Variants in PCDHA12 observed in about 807,000 individuals in gnomAD.
PCDHA12 encodes protocadherin alpha 12, also known as protocadherin alpha-12.
A neutral mutation model predicts 60.0 loss-of-function variants in PCDHA12; 44 were observed. That is an observed-to-expected ratio of 0.73 (90% CI 0.58 to 0.94). PCDHA12 has a LOEUF of 0.94. Ranked by LOEUF, PCDHA12 falls within the 40% of genes least tolerant of loss-of-function variation. The probability of loss-of-function intolerance (pLI) is 0.00; values close to 1 mark genes in which losing one functional copy is unlikely to be tolerated. For missense variants in PCDHA12, 1,276 were observed against 1,239.7 expected, an observed-to-expected ratio of 1.03 and a Z score of -0.44; for synonymous variants, 569 against 553.0, an observed-to-expected ratio of 1.03 and a Z score of -0.40.
intron 3 of PCDHA12, among the ~76,000 whole-genome samples, chr5:140,989,708 G>T (rs2097355537): frequency 6.6e-6 from 1 of 152,154 alleles, no homozygotes; most frequent in South Asian, 2.1e-4. Context: ...ATCTTCAGAG[G>T]CAGTCAGCTT....
chr5:140,965,229 C>A (rs1554227498), intron 1 of PCDHA12, among the ~76,000 whole-genome samples: 1 of 152,124 alleles, frequency 6.6e-6, no homozygotes, highest in Non-Finnish European at 1.5e-5. Context: ...AATGTGAGAA[C>A]CTGGGAAGAG....
In PCDHA12 at chr5:141,010,294, C is replaced by T. The variant is rs545906858; in HGVS notation, c.*357C>T. ...TCCTGTCTTGATGACACTTGCAGGG[C>T]AGGCTGAAAAGTTTTGAGATTGAGC... On this transcript the variant is annotated 3_prime_UTR_variant, in exon 4 of 4. Coordinates refer to ENST00000398631, the MANE Select transcript of PCDHA12 (RefSeq NM_018903.4). 3.2e-6 allele frequency: 5 copies of T among 1,549,782 alleles called. No homozygotes were observed. Among genetic ancestry groups the T allele is most frequent in the Non-Finnish European group, 4.4e-6 (5 of 1,146,446 alleles).
chr5:140,986,345 C>T (rs1442253492), intron 3 of PCDHA12, among the ~76,000 whole-genome samples: 2 of 152,172 alleles, frequency 1.3e-5, no homozygotes, highest in African/African-American at 4.8e-5. Flanking sequence ...GTTGCAGCCT[C>T]TTCTTCAGAT....
At chr5:140,885,581 G>A (rs984552337) in intron 1 of PCDHA12, among the ~76,000 whole-genome samples, 5 of 152,098 alleles carry the variant, frequency 3.3e-5, no homozygotes, top group African/African-American at 1.2e-4. Flanking sequence ...ATGTGGAATT[G>A]ATGCATCAAA....
intron 1 of PCDHA12, among the ~76,000 whole-genome samples, chr5:140,881,102 T>C (rs1470850677): frequency 1.3e-5 from 2 of 152,230 alleles, no homozygotes; most frequent in African/African-American, 4.8e-5. Flanking sequence ...ATTACACCAT[T>C]TGGCCTGGGA....
intron 1 of PCDHA12, chr5:140,968,523 A>G (rs1441549667): frequency 8.1e-6 from 13 of 1,613,762 alleles, no homozygotes; most frequent in African/African-American, 1.3e-5. Flanking sequence ...ACCTCAACCA[A>G]CTCGTCAGCA....
intron 1 of PCDHA12, among the ~76,000 whole-genome samples, chr5:140,899,834 G>T (rs181729880): frequency 6.6e-6 from 1 of 152,198 alleles, no homozygotes; most frequent in Admixed American, 6.5e-5. Context: ...TTTGAGACAG[G>T]TCTTGCTGTG....
chr5:140,932,704 A>G (rs1365268266), intron 1 of PCDHA12, among the ~76,000 whole-genome samples: 1 of 151,932 alleles, frequency 6.6e-6, no homozygotes, highest in Non-Finnish European at 1.5e-5. Context: ...ACTCATATAG[A>G]CAACACAATA....
At chr5:140,882,318 G>T (rs534213144) in intron 1 of PCDHA12, 1 of 1,614,128 alleles carries the variant, frequency 6.2e-7, no homozygotes, top group African/African-American at 1.3e-5. Flanking sequence ...CTACTGCTCT[G>T]GCTTCTGATC....
intron 1 of PCDHA12, among the ~76,000 whole-genome samples, chr5:140,977,305 AC>A (rs1424604910): frequency 6.6e-6 from 1 of 152,258 alleles, no homozygotes; most frequent in African/African-American, 2.4e-5. Flanking sequence ...TGACAAGCTA[AC>A]GATAGTGCTC....
At chr5:140,966,626 C>T in intron 1 of PCDHA12, 9 of 925,184 alleles carry the variant, frequency 9.7e-6, no homozygotes, top group South Asian at 9.6e-5. Flanking sequence ...GAGGGAGCGG[C>T]CCCAGGCGCT....
intron 1 of PCDHA12, among the ~76,000 whole-genome samples, chr5:140,893,943 G>C (rs550475): frequency 0.54 from 81,510 of 151,914 alleles, 22,066 homozygotes; most frequent in African/African-American, 0.61. Flanking sequence ...TGTTAATTCT[G>C]CATGACTTTA....
chr5:140,926,742 C>G (rs1454782151), intron 1 of PCDHA12: 2 of 1,199,338 alleles, frequency 1.7e-6, no homozygotes, highest in East Asian at 5.8e-5. Context: ...GGAGGCGCAA[C>G]GTCGGCGGTC....
At chr5:140,940,499 G>T (rs190058542) in intron 1 of PCDHA12, among the ~76,000 whole-genome samples, 3 of 151,756 alleles carry the variant, frequency 2.0e-5, no homozygotes, top group Non-Finnish European at 4.4e-5. Flanking sequence ...GTCTTGCTCC[G>T]TCGCTCAGGC....
chr5:140,975,996 C>T (rs923472287), intron 1 of PCDHA12, among the ~76,000 whole-genome samples: 1 of 152,064 alleles, frequency 6.6e-6, no homozygotes, highest in African/African-American at 2.4e-5. Flanking sequence ...GAGGTACCAT[C>T]TAAGTATTAA....
At chr5:140,888,958 A>G (rs1174377099) in intron 1 of PCDHA12, among the ~76,000 whole-genome samples, 1 of 152,010 alleles carries the variant, frequency 6.6e-6, no homozygotes, top group African/African-American at 2.4e-5. Flanking sequence ...TTTCTTTGGC[A>G]ATGTTAATGT....
intron 1 of PCDHA12, chr5:140,967,465 C>T: frequency 1.2e-6 from 2 of 1,613,512 alleles, no homozygotes; most frequent in Non-Finnish European, 1.7e-6. Flanking sequence ...TGGATGGGGG[C>T]ATCCCAGCCC....
At chr5:140,937,769 G>C (rs908179495) in intron 1 of PCDHA12, among the ~76,000 whole-genome samples, 1 of 151,776 alleles carries the variant, frequency 6.6e-6, no homozygotes, top group Non-Finnish European at 1.5e-5. Context: ...AAAATTAGTC[G>C]GGCGTGGTGG....
intron 1 of PCDHA12, chr5:140,968,973 C>T (rs1404110882): frequency 4.3e-6 from 7 of 1,614,076 alleles, no homozygotes; most frequent in African/African-American, 2.7e-5. Flanking sequence ...CGCTACACTG[C>T]GTATGGCACT....
Sources: gnomAD v4.1 joint callset for allele counts (sites outside exome capture counted in the v4.1 genomes callset) on GRCh38, gnomAD v4.1.1 for gene constraint, MANE v1.5 for transcripts, NCBI Gene and HGNC (gene_info 2026-07-23, HGNC 2026-07-21) for gene names.